Variants in DPF3 observed in about 807,000 individuals in gnomAD.
The protein encoded by DPF3 is double PHD fingers 3, also known as zinc finger protein DPF3.
A neutral mutation model predicts 56.8 loss-of-function variants in DPF3; 18 were observed. That is an observed-to-expected ratio of 0.32 (90% confidence interval 0.22 to 0.47). DPF3 has a LOEUF of 0.47. Ranked by LOEUF, DPF3 falls within the 20% of genes least tolerant of loss-of-function variation. The pLI is 1.00. For synonymous variants in DPF3, 188 were observed against 180.2 expected, an observed-to-expected ratio of 1.04 and a Z score of -0.35; for missense variants, 403 against 488.8, an observed-to-expected ratio of 0.82 and a Z score of 1.65.
chr14:72,734,672 C>G (rs1233358410), intron 3 of DPF3, among the ~76,000 whole-genome samples: 1 of 152,170 alleles, frequency 6.6e-6, no homozygotes, highest in African/African-American at 2.4e-5. Context: ...TATAGATCAT[C>G]TAATTCAATC....
intron 1 of DPF3, among the ~76,000 whole-genome samples, chr14:72,800,987 C>T (rs189671461): frequency 2.6e-4 from 39 of 152,314 alleles, no homozygotes; most frequent in Middle Eastern, 3.4e-3. Flanking sequence ...TCTGGAATAA[C>T]GGGAGATGAC....
At chr14:72,652,201 C>T (rs993615000) in intron 8 of DPF3, among the ~76,000 whole-genome samples, 1 of 152,204 alleles carries the variant, frequency 6.6e-6, no homozygotes, top group African/African-American at 2.4e-5. Context: ...GCACCACCTG[C>T]TCCAAAGGTA....
At chr14:72,625,664 GTACACATGCATACATCTC>G (rs1179201478) in intron 9 of DPF3, among the ~76,000 whole-genome samples, 2 of 152,120 alleles carry the variant, frequency 1.3e-5, no homozygotes, top group Non-Finnish European at 2.9e-5. Context: ...GTATGTGTAG[GTACACATGCATACATCTC>G]TACTTATTTC....
Position 72,670,992 on chromosome 14 carries a change from C to T in DPF3, c.871+3248G>A, listed in dbSNP as rs955276612. 20 of 1,424,714 alleles carry T rather than the reference C, an allele frequency of 1.4e-5. No individual in the cohort carries two copies. The African/African-American group carries it at 2.3e-4, about 17-fold the overall frequency. 88.3% of individuals were successfully genotyped at this position (1,424,714 alleles called of 1,614,324 possible). The stretch of plus-strand genomic sequence containing the variant: ...AGGGGTGGGGGGAGGGATGGAGGGA[C>T]ACGTGGGAGGTGAAGGGAAAAAAAG... On this transcript the variant is annotated intron_variant, in intron 8 of 10. Transcript: ENST00000556509.
intron 1 of DPF3, among the ~76,000 whole-genome samples, chr14:72,783,458 G>A (rs1422426608): frequency 6.6e-6 from 1 of 152,182 alleles, no homozygotes; most frequent in Non-Finnish European, 1.5e-5. Flanking sequence ...TGGCCTTGTA[G>A]AAGGCTGGAA....
At chr14:72,701,446 A>G (rs1184207326) in intron 6 of DPF3, among the ~76,000 whole-genome samples, 1 of 152,060 alleles carries the variant, frequency 6.6e-6, no homozygotes, top group Non-Finnish European at 1.5e-5. Flanking sequence ...TGCATGCAGG[A>G]CCTCCTGTCT....
chr14:72,735,747 T>C (rs932370373), intron 3 of DPF3, among the ~76,000 whole-genome samples: 2 of 152,228 alleles, frequency 1.3e-5, no homozygotes, highest in Non-Finnish European at 2.9e-5. Context: ...AAAGGGACCA[T>C]GGGCTAGCTA....
intron 8 of DPF3, chr14:72,671,214 A>G: frequency 6.2e-7 from 1 of 1,613,854 alleles, no homozygotes; most frequent in Non-Finnish European, 8.5e-7. Flanking sequence ...GCTCTTCCAA[A>G]TCGTCCTCAT....
At chr14:72,866,751 G>A (rs1196134310) in intron 1 of DPF3, among the ~76,000 whole-genome samples, 1 of 150,772 alleles carries the variant, frequency 6.6e-6, no homozygotes, top group Non-Finnish European at 1.5e-5. Flanking sequence ...AGCTACTCGG[G>A]AGGCTGAGAC....
chr14:72,673,369 G>C (rs1415514336), intron 8 of DPF3, among the ~76,000 whole-genome samples: 1 of 152,176 alleles, frequency 6.6e-6, no homozygotes, highest in African/African-American at 2.4e-5. Flanking sequence ...CATATCAGGG[G>C]CTGATGAGAC....
chr14:72,836,199 G>A (rs1312572316), intron 1 of DPF3: 2 of 985,720 alleles, frequency 2.0e-6, no homozygotes, highest in African/African-American at 3.5e-5. Context: ...GGGCACTGAG[G>A]ACAGAGCACG....
At chr14:72,663,166 C>CAAAAA (rs56335418) in intron 8 of DPF3, among the ~76,000 whole-genome samples, 42 of 88,542 alleles carry the variant, frequency 4.7e-4, no homozygotes, top group African/African-American at 1.8e-3. Flanking sequence ...TGGGTGTTAG[C>CAAAAA]AAAAAAAAAA....
intron 1 of DPF3, among the ~76,000 whole-genome samples, chr14:72,865,864 T>A (rs1413180564): frequency 6.6e-6 from 1 of 151,946 alleles, no homozygotes; most frequent in Non-Finnish European, 1.5e-5. Context: ...CTGGCCAACA[T>A]GATGAAACCC....
chr14:72,649,984 G>C (rs183695781), intron 8 of DPF3, among the ~76,000 whole-genome samples: 2 of 152,164 alleles, frequency 1.3e-5, no homozygotes, highest in African/African-American at 4.8e-5. Flanking sequence ...GAGGCCGAGC[G>C]GCTGATGAGC....
At chr14:72,761,854 T>A (rs548173098) in intron 2 of DPF3, among the ~76,000 whole-genome samples, 1 of 151,874 alleles carries the variant, frequency 6.6e-6, no homozygotes, top group Non-Finnish European at 1.5e-5. Context: ...AAATTAACAA[T>A]ATAATGAGTA....
chr14:72,782,906 C>T (rs1338480500), intron 1 of DPF3, among the ~76,000 whole-genome samples: 1 of 152,140 alleles, frequency 6.6e-6, no homozygotes, highest in African/African-American at 2.4e-5. Flanking sequence ...TCTCACTGCA[C>T]TCAGAGCAAA....
chr14:72,670,834 G>C (rs1886639394), intron 8 of DPF3: 7 of 1,140,330 alleles, frequency 6.1e-6, no homozygotes, highest in Non-Finnish European at 7.6e-6. Flanking sequence ...TCAGAAAAGA[G>C]ACAATCCGTC....
intron 10 of DPF3, among the ~76,000 whole-genome samples, 163 bp downstream of exon 10, chr14:72,619,740 T>C (rs1884307426): frequency 6.6e-6 from 1 of 152,186 alleles, no homozygotes; most frequent in South Asian, 2.1e-4. Context: ...ATCTGTAAAA[T>C]GGCAGTCGTC....
At chr14:72,679,591 T>A (rs1175346260) in intron 7 of DPF3, among the ~76,000 whole-genome samples, 2 of 152,150 alleles carry the variant, frequency 1.3e-5, no homozygotes, top group Non-Finnish European at 2.9e-5. Context: ...CTCGCCCCTC[T>A]CGTTTGTTCC....
Sources: gnomAD v4.1 joint callset for allele counts (sites outside exome capture counted in the v4.1 genomes callset) on GRCh38, gnomAD v4.1.1 for gene constraint, MANE v1.5 for transcripts, NCBI Gene and HGNC (gene_info 2026-07-23, HGNC 2026-07-21) for gene names.